Variants in SEM1 observed in about 807,000 individuals in gnomAD.
SEM1 encodes 26S proteasome complex subunit SEM1.
SEM1 carries 3 observed loss-of-function variants against 12.7 expected under a neutral mutation model. That is an observed-to-expected ratio of 0.24 (90% CI 0.11 to 0.61). The LOEUF (loss-of-function observed/expected upper bound fraction) is 0.61. SEM1 is among the 20% of genes least tolerant of loss of function. The pLI, the probability that SEM1 is intolerant of heterozygous loss-of-function variation, is 0.88. For missense variants in SEM1, 59 were observed against 81.3 expected, an observed-to-expected ratio of 0.73 and a Z score of 1.06; for synonymous variants, 30 against 27.8, an observed-to-expected ratio of 1.08 and a Z score of -0.25.
intron 2 of SEM1, among the ~76,000 whole-genome samples, chr7:96,624,590 G>T (rs1227390972): frequency 6.6e-6 from 1 of 152,120 alleles, no homozygotes; most frequent in African/African-American, 2.4e-5. Flanking sequence ...ATGAAATAAT[G>T]CTCATTAAGT....
chr7:96,588,041 A>G (rs746579150), intron 2 of SEM1, among the ~76,000 whole-genome samples: 2 of 152,146 alleles, frequency 1.3e-5, no homozygotes, highest in Non-Finnish European at 2.9e-5. Context: ...TAAAAGGAGT[A>G]GTTTTCATTG....
At chr7:96,705,665 A>C (rs1243225827) in intron 1 of SEM1, among the ~76,000 whole-genome samples, 1 of 151,882 alleles carries the variant, frequency 6.6e-6, no homozygotes, top group Non-Finnish European at 1.5e-5. Context: ...ATCTCTACAA[A>C]AAAAATTAGC....
intron 2 of SEM1, among the ~76,000 whole-genome samples, chr7:96,591,280 A>G (rs1260464107): frequency 6.6e-6 from 1 of 152,204 alleles, no homozygotes; most frequent in Admixed American, 6.5e-5. Context: ...GCAACACCTG[A>G]AAAGATTTAC....
chr7:96,519,844 G>A (rs911065484), intron 2 of SEM1, among the ~76,000 whole-genome samples: 1 of 152,116 alleles, frequency 6.6e-6, no homozygotes, highest in Non-Finnish European at 1.5e-5. Flanking sequence ...CACATGCAGA[G>A]ATTAAAAAGA....
At chr7:96,527,000 C>T (rs2115684564) in intron 2 of SEM1, among the ~76,000 whole-genome samples, 1 of 152,070 alleles carries the variant, frequency 6.6e-6, no homozygotes, top group South Asian at 2.1e-4. Flanking sequence ...ATAAACCATC[C>T]CTCAACCAGT....
chr7:96,553,803 G>A (rs1442199097), intron 2 of SEM1, among the ~76,000 whole-genome samples: 9 of 152,200 alleles, frequency 5.9e-5, no homozygotes, highest in South Asian at 4.1e-4. Context: ...CCATTTTCAC[G>A]ATATTGATTC....
intron 2 of SEM1, among the ~76,000 whole-genome samples, chr7:96,507,752 T>C (rs73241538): frequency 6.6e-6 from 1 of 152,080 alleles, no homozygotes; most frequent in Non-Finnish European, 1.5e-5. Flanking sequence ...GGGCATCTCT[T>C]TGATGAAAGT....
intron 2 of SEM1, among the ~76,000 whole-genome samples, chr7:96,553,138 G>A (rs528383145): frequency 1.3e-5 from 2 of 152,088 alleles, no homozygotes; most frequent in East Asian, 3.9e-4. Context: ...CTCCTATTTT[G>A]TAGGTTGCCT....
chr7:96,520,607 G>C (rs1263637916), intron 2 of SEM1, among the ~76,000 whole-genome samples: 1 of 152,102 alleles, frequency 6.6e-6, no homozygotes, highest in African/African-American at 2.4e-5. Flanking sequence ...CCCCAGTAAG[G>C]CTGGAAGGGC....
intron 2 of SEM1, among the ~76,000 whole-genome samples, chr7:96,657,648 T>C (rs1809222472): frequency 6.6e-6 from 1 of 152,152 alleles, no homozygotes; most frequent in Non-Finnish European, 1.5e-5. Context: ...AGAGTTTAAT[T>C]AGGAATTTAA....
chr7:96,655,764 C>T (rs1249136015), intron 2 of SEM1, among the ~76,000 whole-genome samples: 1 of 152,168 alleles, frequency 6.6e-6, no homozygotes, highest in African/African-American at 2.4e-5. Flanking sequence ...TGTTTTATGA[C>T]TAGTTGCCTG....
chr7:96,669,077 G>C (rs1459506981), downstream of SEM1, among the ~76,000 whole-genome samples: 1 of 152,096 alleles, frequency 6.6e-6, no homozygotes, highest in Non-Finnish European at 1.5e-5. Flanking sequence ...CAGACTTCTA[G>C]GATTTCAGAC....
chr7:96,562,452 G>A (rs116266969), intron 2 of SEM1, among the ~76,000 whole-genome samples: 1,637 of 152,158 alleles, frequency 0.011, 25 homozygotes, highest in African/African-American at 0.037. Flanking sequence ...AGCAGGGAGA[G>A]ATAAAAATTG....
chr7:96,638,676 AT>A (rs1302396520), intron 2 of SEM1, among the ~76,000 whole-genome samples: 2 of 151,978 alleles, frequency 1.3e-5, no homozygotes, highest in African/African-American at 4.8e-5. Context: ...AGTAATAAAT[AT>A]TCTTTATAAT....
At chr7:96,517,739 G>T (rs944280966) in intron 2 of SEM1, among the ~76,000 whole-genome samples, 1 of 151,926 alleles carries the variant, frequency 6.6e-6, no homozygotes, top group African/African-American at 2.4e-5. Flanking sequence ...TGTTAAGTTT[G>T]GTCTGTTAAA....
chr7:96,516,843 T>C (rs1293771318), intron 2 of SEM1, among the ~76,000 whole-genome samples: 2 of 152,172 alleles, frequency 1.3e-5, no homozygotes, highest in Non-Finnish European at 2.9e-5. Flanking sequence ...AATAAGTGAA[T>C]GAATAAGTAA....
exon 4 of SEM1, chr7:96,482,437 C>T (rs1359226922): frequency 6.6e-6 from 1 of 152,210 alleles, no homozygotes; most frequent in Non-Finnish European, 1.5e-5. Flanking sequence ...ATGTATACAT[C>T]ACATTCTCCG....
intron 2 of SEM1, among the ~76,000 whole-genome samples, chr7:96,590,720 A>T (rs1184670082): frequency 6.6e-6 from 1 of 152,228 alleles, no homozygotes; most frequent in Non-Finnish European, 1.5e-5. Context: ...TAAAAAGAGG[A>T]GCAGGTGTAA....
intron 1 of SEM1, among the ~76,000 whole-genome samples, chr7:96,705,892 G>A (rs138153748): frequency 1.5e-3 from 225 of 151,888 alleles, no homozygotes; most frequent in African/African-American, 5.1e-3. Context: ...CAACCTGACC[G>A]TATGATTTGA....
Sources: allele counts gnomAD v4.1 joint callset (sites outside exome capture counted in the v4.1 genomes callset), GRCh38; gene constraint gnomAD v4.1.1; transcripts MANE v1.5; gene names NCBI Gene and HGNC (gene_info 2026-07-23, HGNC 2026-07-21).